IL1RAPL1: variants seen among roughly 807,000 people sequenced by gnomAD.
IL1RAPL1 encodes interleukin-1 receptor accessory protein-like 1.
A neutral mutation model predicts 48.4 loss-of-function variants in IL1RAPL1; 3 were observed. That is an observed-to-expected ratio of 0.06 (90% CI 0.03 to 0.16). IL1RAPL1 has a LOEUF of 0.16. Among genes scored for constraint, IL1RAPL1 ranks in the 10% least tolerant of loss-of-function variants. The probability of loss-of-function intolerance (pLI) is 1.00; values close to 1 mark genes in which losing one functional copy is unlikely to be tolerated. For synonymous variants in IL1RAPL1, 185 were observed against 187.7 expected, an observed-to-expected ratio of 0.99 and a Z score of 0.12; for missense variants, 349 against 530.6, an observed-to-expected ratio of 0.66 and a Z score of 3.36.
At chrX:29,309,270 G>A (rs1932671353) in intron 3 of IL1RAPL1, among the ~76,000 whole-genome samples, 2 of 111,189 alleles carry the variant, frequency 1.8e-5, no homozygotes, top group Admixed American at 1.9e-4. Flanking sequence ...AAGCCTTAGG[G>A]TGAGCTAGAG....
chrX:29,388,480 G>A (rs1250254088), intron 3 of IL1RAPL1, among the ~76,000 whole-genome samples: 1 of 112,349 alleles, frequency 8.9e-6, no homozygotes, highest in African/African-American at 3.2e-5. Flanking sequence ...GTTCATGCAT[G>A]TTCATAGCAG....
chrX:29,103,877 A>C (rs1213440176), intron 2 of IL1RAPL1, among the ~76,000 whole-genome samples: 1 of 112,109 alleles, frequency 8.9e-6, no homozygotes, highest in Non-Finnish European at 1.9e-5. Context: ...AAGGTACTCA[A>C]CATCACTGAT....
rs370200177 is a variant in IL1RAPL1, at chrX:29,503,426, G to A, written c.703+104118G>A. Among the ~76,000 whole-genome samples the A allele has an allele frequency of 5.6e-4, 62 of 110,143 alleles. 1 individual carries two copies. The South Asian group carries it at 0.023, about 41-fold the overall frequency. Reference sequence around the variant, plus strand: ...GGTTTGTTATTGCTTTTCTAGTTCCGTGAGGTGCATTGTTAAGTTGTTTAT... The same window carrying A: ...GGTTTGTTATTGCTTTTCTAGTTCCATGAGGTGCATTGTTAAGTTGTTTAT... On this transcript the variant is annotated intron_variant, in intron 5 of 10. Coordinates refer to ENST00000378993, the MANE Select transcript of IL1RAPL1 (RefSeq NM_014271.4).
At chrX:29,769,426 A>AG (rs1928993893) in intron 6 of IL1RAPL1, among the ~76,000 whole-genome samples, 3 of 46,441 alleles carry the variant, frequency 6.5e-5, no homozygotes, top group East Asian at 2.0e-3. Flanking sequence ...ACTGCCAAAC[A>AG]GTTTTTTTTT....
chrX:29,440,078 CTT>C (rs1310781715), intron 5 of IL1RAPL1, among the ~76,000 whole-genome samples: 1 of 107,825 alleles, frequency 9.3e-6, no homozygotes, highest in Non-Finnish European at 1.9e-5. Flanking sequence ...ATTCGAAAGA[CTT>C]TTGTGAATCA....
Position 28,740,783 on chromosome X carries a change from A to T in IL1RAPL1, c.-24-48537A>T, listed in dbSNP as rs1233312262. Among the ~76,000 whole-genome samples the T allele has an allele frequency of 2.7e-5, 3 of 111,738 alleles. No homozygotes were observed. The Admixed American group carries it at 2.9e-4, about 11-fold the overall frequency. ...GTTGCTGTGTTAATTTGCTTAGGAT[A>T]ATGGCCTCCAGCTGCATCCATGTTG... On this transcript the variant is annotated intron_variant, in intron 1 of 10. Transcript: ENST00000378993.
At chrX:28,714,084 A>AT (rs1935473896) in intron 1 of IL1RAPL1, among the ~76,000 whole-genome samples, 2 of 112,012 alleles carry the variant, frequency 1.8e-5, no homozygotes, top group Admixed American at 9.5e-5. Context: ...TTAGTGCTAT[A>AT]TTTTTATGAT....
At chrX:29,327,150 G>A (rs1932848048) in intron 3 of IL1RAPL1, among the ~76,000 whole-genome samples, 2 of 110,770 alleles carry the variant, frequency 1.8e-5, no homozygotes, top group Admixed American at 9.7e-5. Flanking sequence ...CTAAGATGCT[G>A]GTATTTTAAG....
At chrX:28,726,024 A>G (rs191377407) in intron 1 of IL1RAPL1, among the ~76,000 whole-genome samples, 24 of 112,538 alleles carry the variant, frequency 2.1e-4, no homozygotes, top group Non-Finnish European at 5.6e-5. Flanking sequence ...CAATGAAATA[A>G]TATTTAATGC....
intron 6 of IL1RAPL1, among the ~76,000 whole-genome samples, chrX:29,849,959 C>T (rs770556530): frequency 1.8e-5 from 2 of 111,752 alleles, no homozygotes; most frequent in South Asian, 7.6e-4. Context: ...GAACTTGGCC[C>T]CAAATCTTTT....
At chrX:29,023,293 C>T (rs1326783273) in intron 2 of IL1RAPL1, among the ~76,000 whole-genome samples, 4 of 112,312 alleles carry the variant, frequency 3.6e-5, no homozygotes, top group African/African-American at 1.3e-4. Flanking sequence ...GTTCCTTTTT[C>T]ATAAAATGTG....
At chrX:29,418,125 A>ATTTTTTTT (rs1186251989) in intron 5 of IL1RAPL1, among the ~76,000 whole-genome samples, 19 of 26,700 alleles carry the variant, frequency 7.1e-4, no homozygotes, top group African/African-American at 1.0e-3. Flanking sequence ...ATATATATAT[A>ATTTTTTTT]TTTTTTTTTT....
chrX:29,296,133 G>A (rs1692738870), intron 3 of IL1RAPL1, among the ~76,000 whole-genome samples: 1 of 112,155 alleles, frequency 8.9e-6, no homozygotes, highest in Non-Finnish European at 1.9e-5. Flanking sequence ...CCCACAGGGA[G>A]CTGTGGTGCA....
intron 6 of IL1RAPL1, among the ~76,000 whole-genome samples, chrX:29,824,364 A>T (rs2147184591): frequency 8.9e-6 from 1 of 112,018 alleles, no homozygotes; most frequent in East Asian, 2.8e-4. Flanking sequence ...TTGCCTTACT[A>T]GAGTCTGATC....
intron 2 of IL1RAPL1, among the ~76,000 whole-genome samples, chrX:29,192,882 G>A (rs1296344231): frequency 1.8e-5 from 2 of 111,178 alleles, no homozygotes; most frequent in Non-Finnish European, 3.8e-5. Flanking sequence ...AAGTATGTTA[G>A]TACTAACCAT....
chrX:29,779,380 T>C, intron 6 of IL1RAPL1, among the ~76,000 whole-genome samples: 1 of 111,187 alleles, frequency 9.0e-6, no homozygotes, highest in Middle Eastern at 4.6e-3. Flanking sequence ...CCCAGACCCA[T>C]GCTCTTTAAA....
chrX:29,061,637 T>G (rs935162147), intron 2 of IL1RAPL1, among the ~76,000 whole-genome samples: 9 of 111,712 alleles, frequency 8.1e-5, no homozygotes, highest in African/African-American at 2.9e-4. Flanking sequence ...TTTTGTATTT[T>G]TAGTGGAGAC....
intron 2 of IL1RAPL1, among the ~76,000 whole-genome samples, chrX:28,917,877 C>G (rs183925234): frequency 8.9e-6 from 1 of 112,016 alleles, no homozygotes; most frequent in Non-Finnish European, 1.9e-5. Context: ...AACTGAGCTA[C>G]TATTTTTTAA....
chrX:29,642,458 C>A (rs749020418), intron 5 of IL1RAPL1, among the ~76,000 whole-genome samples: 1 of 112,335 alleles, frequency 8.9e-6, no homozygotes, highest in African/African-American at 3.2e-5. Context: ...AATGTCTGTT[C>A]ATTTGGGTTT....
Sources: allele counts gnomAD v4.1 joint callset (sites outside exome capture counted in the v4.1 genomes callset), GRCh38; gene constraint gnomAD v4.1.1; transcripts MANE v1.5; gene names NCBI Gene and HGNC (gene_info 2026-07-23, HGNC 2026-07-21).